The following GLIS3 variants were observed in gnomAD, a reference collection of about 807,000 sequenced individuals.
GLIS3 encodes the protein GLIS family zinc finger 3.
Under a neutral mutation model 78.6 loss-of-function variants are expected in GLIS3, and 53 were observed. That is an observed-to-expected ratio of 0.67 (90% CI 0.54 to 0.85). GLIS3 has a LOEUF of 0.85. GLIS3 is among the 40% of genes least tolerant of loss of function. GLIS3 has a pLI of 0.00. For synonymous variants in GLIS3, 684 were observed against 509.9 expected, an observed-to-expected ratio of 1.34 and a Z score of -4.60; for missense variants, 1,703 against 1,231.1, an observed-to-expected ratio of 1.38 and a Z score of -5.74.
rs771655712 is a variant in GLIS3, at chr9:3,829,341, G to C, written c.2625C>G (p.His875Gln). 2 of 1,614,096 alleles carry C rather than the reference G, an allele frequency of 1.2e-6. No individual in the cohort carries two copies. The highest frequency in any genetic ancestry group is 1.7e-5 in the Admixed American group (1 of 60,022). The change falls in exon 10 of 11, where the codon CAC (histidine) becomes CAG (glutamine). Residue 875 changes from histidine (H) to glutamine (Q), a missense_variant. His to Gln is a conservative substitution (Grantham distance 24, BLOSUM62 0). Coordinates refer to ENST00000381971, the MANE Select transcript of GLIS3 (RefSeq NM_001042413.2). ...SMGQASFDVF[H>Q]RAFSTHSGIT... ...TGCCCGAGTGAGTCGAGAAGGCTCT[G>C]TGGAAAACATCAAAACTGGCCTGGC...
chr9:3,858,033 G>T (rs191904795), intron 8 of GLIS3, among the ~76,000 whole-genome samples: 5 of 152,268 alleles, frequency 3.3e-5, no homozygotes, highest in African/African-American at 1.2e-4. Flanking sequence ...GAGGCGGGAA[G>T]GATCTGAATT....
chr9:4,020,159 T>G (rs1822764130), intron 4 of GLIS3, among the ~76,000 whole-genome samples: 1 of 151,980 alleles, frequency 6.6e-6, no homozygotes, highest in African/African-American at 2.4e-5. Context: ...GAGAAGAGAG[T>G]TCAAAGCAAA....
At chr9:4,098,158 C>T (rs1475721739) in intron 4 of GLIS3, among the ~76,000 whole-genome samples, 1 of 152,200 alleles carries the variant, frequency 6.6e-6, no homozygotes, top group African/African-American at 2.4e-5. Context: ...CAGGATCTCA[C>T]TGAAGCTACA....
chr9:3,940,756 G>C (rs1200345201), intron 4 of GLIS3, among the ~76,000 whole-genome samples: 1 of 152,144 alleles, frequency 6.6e-6, no homozygotes, highest in Non-Finnish European at 1.5e-5. Context: ...GAGGAAAAGG[G>C]GCGTGGTGTG....
intron 2 of GLIS3, among the ~76,000 whole-genome samples, chr9:4,257,610 G>A (rs1233167425): frequency 1.1e-5 from 1 of 91,942 alleles, no homozygotes; most frequent in African/African-American, 3.9e-5. Flanking sequence ...GTCTCGCTCT[G>A]TCGCCCAGGT....
chr9:3,955,517 T>C (rs1027454679), intron 4 of GLIS3, among the ~76,000 whole-genome samples: 13 of 152,058 alleles, frequency 8.5e-5, no homozygotes, highest in Non-Finnish European at 1.2e-4. Flanking sequence ...AGATATTATA[T>C]ATGGTATTTT....
the GLIS3 span, among the ~76,000 whole-genome samples, chr9:4,458,463 A>T: frequency 6.6e-6 from 1 of 152,142 alleles, no homozygotes; most frequent in Admixed American, 6.5e-5. Context: ...GATGATGGTG[A>T]TGGTGGTGGA....
the GLIS3 span, among the ~76,000 whole-genome samples, chr9:4,454,158 A>T: frequency 6.6e-6 from 1 of 151,000 alleles, no homozygotes; most frequent in African/African-American, 2.4e-5. Flanking sequence ...GATAAAAAAA[A>T]AAAAAAAAAA....
the GLIS3 span, among the ~76,000 whole-genome samples, chr9:4,376,084 G>A: frequency 1.3e-5 from 2 of 152,136 alleles, no homozygotes; most frequent in Non-Finnish European, 1.5e-5. Context: ...AAAGCCTTAT[G>A]ATCGTTCAGA....
intron 2 of GLIS3, among the ~76,000 whole-genome samples, chr9:4,315,413 T>C (rs1418465128): frequency 6.6e-6 from 1 of 152,196 alleles, no homozygotes; most frequent in Non-Finnish European, 1.5e-5. Flanking sequence ...AAACTCTATA[T>C]GCAATGACAA....
At chr9:4,392,008 C>T in the GLIS3 span, among the ~76,000 whole-genome samples, 1 of 152,068 alleles carries the variant, frequency 6.6e-6, no homozygotes, top group Non-Finnish European at 1.5e-5. Context: ...TGCAAATGCC[C>T]ATCAGTGACA....
At chr9:4,467,186 G>A in the GLIS3 span, among the ~76,000 whole-genome samples, 3 of 152,330 alleles carry the variant, frequency 2.0e-5, no homozygotes, top group Non-Finnish European at 4.4e-5. Flanking sequence ...GCCTGCCTCT[G>A]TAGACTCCAC....
chr9:3,898,731 G>C lies in GLIS3; in HGVS notation c.2088C>G (p.Thr696=). Residue 696 remains threonine, a synonymous_variant, in exon 7 of 11, where the codon ACC becomes ACG. Transcript: ENST00000381971. ...GCCCGGGTCCAGGGGAGCGTCCCAC[G>C]GTCCCTTCAGCAGCAGCATCTCTAG... ...TSPRDAAAEG[T]VGRSPGPGPD... is the part of the protein sequence containing the mutation. 6.2e-7 allele frequency: 1 copy of C among 1,614,088 alleles called. No individual in the cohort carries two copies. The highest frequency in any genetic ancestry group is 8.5e-7 in the Non-Finnish European group (1 of 1,180,008).
the GLIS3 span, among the ~76,000 whole-genome samples, chr9:4,459,136 A>G: frequency 6.6e-6 from 1 of 152,176 alleles, no homozygotes; most frequent in African/African-American, 2.4e-5. Context: ...GGAGACAGGG[A>G]GACTATTTAG....
chr9:4,411,809 C>A, the GLIS3 span, among the ~76,000 whole-genome samples: 1 of 152,136 alleles, frequency 6.6e-6, no homozygotes, highest in Non-Finnish European at 1.5e-5. Flanking sequence ...TCTCTGCAAT[C>A]CTCTTCTCCT....
chr9:4,037,680 T>C (rs952847486), intron 4 of GLIS3, among the ~76,000 whole-genome samples: 3 of 151,916 alleles, frequency 2.0e-5, no homozygotes, highest in African/African-American at 7.3e-5. Flanking sequence ...AACAGAAAAA[T>C]AGGTAATAAC....
intron 9 of GLIS3, among the ~76,000 whole-genome samples, chr9:3,842,317 C>T (rs1308724181): frequency 6.6e-6 from 1 of 152,140 alleles, no homozygotes; most frequent in Non-Finnish European, 1.5e-5. Flanking sequence ...ACTAAAACTA[C>T]AAAAATTAGT....
chr9:4,141,129 G>C (rs989026448), intron 2 of GLIS3, among the ~76,000 whole-genome samples: 10 of 152,112 alleles, frequency 6.6e-5, no homozygotes, highest in Admixed American at 3.9e-4. Flanking sequence ...GTCTTGTGTA[G>C]AAATCTAAAT....
intron 2 of GLIS3, among the ~76,000 whole-genome samples, chr9:4,255,762 T>C (rs1824872738): frequency 6.6e-6 from 1 of 152,122 alleles, no homozygotes; most frequent in South Asian, 2.1e-4. Flanking sequence ...AGTGAAACTA[T>C]TCTATATTAC....
Sources: gnomAD v4.1 joint callset for allele counts (sites outside exome capture counted in the v4.1 genomes callset) on GRCh38, gnomAD v4.1.1 for gene constraint, MANE v1.5 for transcripts, NCBI Gene and HGNC (gene_info 2026-07-23, HGNC 2026-07-21) for gene names.